Variants in GRM7 observed in about 807,000 individuals in gnomAD.
The protein encoded by GRM7 is glutamate metabotropic receptor 7.
Under a neutral mutation model 84.5 loss-of-function variants are expected in GRM7, and 35 were observed. That is an observed-to-expected ratio of 0.41 (90% CI 0.32 to 0.55). The LOEUF (loss-of-function observed/expected upper bound fraction) is 0.55, where lower values mean the gene tolerates loss of function less well. Ranked by LOEUF, GRM7 falls within the 20% of genes least tolerant of loss-of-function variation. The pLI is 0.19. For missense variants in GRM7, 1,003 were observed against 1,194.6 expected (o/e 0.84, Z 2.36); for synonymous variants, 487 against 455.1 (o/e 1.07, Z -0.89).
intron 4 of GRM7, among the ~76,000 whole-genome samples, chr3:7,405,471 C>G (rs956701933): frequency 1.3e-5 from 2 of 152,068 alleles, no homozygotes; most frequent in Non-Finnish European, 2.9e-5. Context: ...TGTATCATCT[C>G]TTTGTGTTGG....
intron 6 of GRM7, among the ~76,000 whole-genome samples, chr3:7,456,182 A>G (rs932306678): frequency 6.6e-6 from 1 of 151,926 alleles, no homozygotes. Context: ...GTTCATGGAT[A>G]TGTATGAACA....
chr3:6,967,587 A>G (rs2875184), intron 1 of GRM7, among the ~76,000 whole-genome samples: 9,172 of 152,326 alleles, frequency 0.06, 539 homozygotes, highest in African/African-American at 0.14. Context: ...TGTAATATAC[A>G]TCATAAATTA....
intron 1 of GRM7, among the ~76,000 whole-genome samples, chr3:7,119,763 T>A (rs1286620499): frequency 6.6e-6 from 1 of 152,130 alleles, no homozygotes; most frequent in Non-Finnish European, 1.5e-5. Flanking sequence ...CAAACACTGT[T>A]GATTATTTTA....
chr3:7,297,075 A>C (rs1296516644), intron 2 of GRM7, among the ~76,000 whole-genome samples: 2 of 151,968 alleles, frequency 1.3e-5, no homozygotes, highest in Non-Finnish European at 1.5e-5. Flanking sequence ...TTTTCTCTTA[A>C]AGTGAATGTT....
rs137866491 is a variant in GRM7, at chr3:6,928,640, G to A, written c.519+66733G>A. ...TTTCATTATAGCCCAGATTTTGCCA[G>A]GCAAACAACTTGATAGAATCAATAG... On this transcript the variant is annotated intron_variant, in intron 1 of 9. Transcript: ENST00000357716. This position sits in a 1 kb window ranked among gnomAD's most constrained non-coding sequence, Gnocchi z 4.5. 3.6e-3 allele frequency among the ~76,000 whole-genome samples: 552 copies of A among 152,240 alleles called. 6 individuals are homozygous for A. The highest frequency in any genetic ancestry group is 0.013 in the African/African-American group (521 of 41,550).
At chr3:7,582,866 A>T (rs1028722103) in intron 8 of GRM7, among the ~76,000 whole-genome samples, 1 of 152,120 alleles carries the variant, frequency 6.6e-6, no homozygotes, top group Non-Finnish European at 1.5e-5. Flanking sequence ...TACTGCTTCA[A>T]CAGGTCTGGA....
chr3:7,208,824 G>T (rs1303609920), intron 2 of GRM7, among the ~76,000 whole-genome samples: 1 of 152,172 alleles, frequency 6.6e-6, no homozygotes, highest in Non-Finnish European at 1.5e-5. Context: ...CACCTAATAT[G>T]ATCCTGGATA....
Position 7,326,193 on chromosome 3 carries a change from C to T in GRM7, c.1033+19541C>T, listed in dbSNP as rs576723006. On this transcript the variant is annotated intron_variant, in intron 4 of 9. Transcript: ENST00000357716. ...GGCAAAAAAAAAAGAAAAAAAAACA[C>T]ATTATTTTGAGAGAAAAACAACACC... Among the ~76,000 whole-genome samples the T allele has an allele frequency of 9.3e-5, 14 of 151,112 alleles. No individual in the cohort carries two copies. The East Asian group carries it at 2.5e-3, about 27-fold the overall frequency.
chr3:7,478,661 T>A (rs1699017777), intron 7 of GRM7, among the ~76,000 whole-genome samples: 1 of 152,146 alleles, frequency 6.6e-6, no homozygotes, highest in Non-Finnish European at 1.5e-5. Context: ...GGGCAGGCCA[T>A]GGGCATCCCA....
At chr3:7,241,570 A>G (rs1697559574) in intron 2 of GRM7, among the ~76,000 whole-genome samples, 2 of 152,166 alleles carry the variant, frequency 1.3e-5, no homozygotes, top group Non-Finnish European at 2.9e-5. Context: ...AAATCAATCA[A>G]GATATATCAG....
At chr3:6,933,287 A>G (rs1209025501) in intron 1 of GRM7, among the ~76,000 whole-genome samples, 1 of 152,146 alleles carries the variant, frequency 6.6e-6, no homozygotes, top group Non-Finnish European at 1.5e-5. Flanking sequence ...AAACATGTTC[A>G]TTCTCCTTGA....
intron 7 of GRM7, among the ~76,000 whole-genome samples, chr3:7,517,008 C>T (rs1700416540): frequency 6.6e-6 from 1 of 152,166 alleles, no homozygotes; most frequent in Admixed American, 6.5e-5. Flanking sequence ...GCCCCGCTCC[C>T]CTCAGCACAC....
At chr3:7,118,604 T>C (rs978447577) in intron 1 of GRM7, among the ~76,000 whole-genome samples, 4 of 141,480 alleles carry the variant, frequency 2.8e-5, no homozygotes, top group Non-Finnish European at 6.3e-5. Flanking sequence ...ATCTTTCCAA[T>C]TTCTGCTAAA....
intron 1 of GRM7, among the ~76,000 whole-genome samples, chr3:7,124,661 GATACT>G (rs1357403392): frequency 2.0e-5 from 3 of 152,042 alleles, no homozygotes; most frequent in African/African-American, 7.2e-5. Context: ...TTAGAACAAT[GATACT>G]TTTTTCTTAT....
At chr3:7,010,894 T>C (rs28599513) in intron 1 of GRM7, among the ~76,000 whole-genome samples, 4 of 152,188 alleles carry the variant, frequency 2.6e-5, no homozygotes, top group Non-Finnish European at 4.4e-5. Context: ...TTTTTTCCCC[T>C]GTAGCATTGA....
intron 1 of GRM7, among the ~76,000 whole-genome samples, chr3:7,064,479 T>TATATATATATACACACAC: frequency 2.0e-5 from 2 of 99,384 alleles, no homozygotes; most frequent in African/African-American, 7.8e-5. Context: ...TATATATATA[T>TATATATATATACACACAC]ACACACATAT....
At chr3:7,199,847 T>A (rs904126399) in intron 2 of GRM7, among the ~76,000 whole-genome samples, 11 of 152,222 alleles carry the variant, frequency 7.2e-5, no homozygotes, top group Admixed American at 2.0e-4. Context: ...GGGATTCATG[T>A]CATATATATG....
chr3:6,982,797 C>G (rs1694258580), intron 1 of GRM7, among the ~76,000 whole-genome samples: 1 of 152,028 alleles, frequency 6.6e-6, no homozygotes, highest in African/African-American at 2.4e-5. Flanking sequence ...TCAAAATTGT[C>G]ATGTATATTA....
intron 8 of GRM7, among the ~76,000 whole-genome samples, chr3:7,594,355 G>T (rs1695938336): frequency 6.6e-6 from 1 of 152,106 alleles, no homozygotes; most frequent in Non-Finnish European, 1.5e-5. Flanking sequence ...ATTCACATAG[G>T]TTATAAGAAT....
Sources: allele counts gnomAD v4.1 joint callset (sites outside exome capture counted in the v4.1 genomes callset), GRCh38; gene constraint gnomAD v4.1.1; non-coding constraint Gnocchi (gnomAD v3.1); transcripts MANE v1.5; gene names NCBI Gene and HGNC (gene_info 2026-07-23, HGNC 2026-07-21).